PCDHGA5: variants seen among roughly 807,000 people sequenced by gnomAD.
PCDHGA5 encodes the protein protocadherin gamma subfamily A, 5, also known as protocadherin gamma-A5.
A neutral mutation model predicts 56.7 loss-of-function variants in PCDHGA5; 36 were observed. The ratio of observed to expected loss-of-function variants is 0.64; its 90% CI spans 0.49 to 0.84. PCDHGA5 has a LOEUF of 0.84. PCDHGA5 is among the 40% of genes least tolerant of loss of function. The pLI, the probability that PCDHGA5 is intolerant of heterozygous loss-of-function variation, is 0.00. For missense variants in PCDHGA5, 1,305 were observed against 1,201.5 expected (o/e 1.09, Z -1.27); for synonymous variants, 563 against 520.2 (o/e 1.08, Z -1.12).
intron 1 of PCDHGA5, chr5:141,407,930 C>G: frequency 2.0e-6 from 1 of 498,998 alleles, no homozygotes. Context: ...CGCACGGAGC[C>G]TCTGGGCGCC....
At chr5:141,387,637 G>A (rs1397986235) in intron 1 of PCDHGA5, 14 of 603,144 alleles carry the variant, frequency 2.3e-5, no homozygotes, top group Non-Finnish European at 3.7e-5. Context: ...GGGCGCCGCT[G>A]TTGGCCAAAG....
rs202006594 is a variant in PCDHGA5 at position 141,477,618 on chromosome 5, C to G, written c.2422-17189C>G. On this transcript the variant is annotated intron_variant, in intron 1 of 3. Coordinates refer to ENST00000518069, the MANE Select transcript of PCDHGA5 (RefSeq NM_018918.3). The surrounding 1 kb of genome is among the most constrained non-coding windows in gnomAD (Gnocchi z 4.9). ...TCTTTCTTTCTCTTGGAGCAAGGAGCTGAAACCGGGCTAGTGGGTCGCTAT... is the reference window on the plus strand; with the variant it reads ...TCTTTCTTTCTCTTGGAGCAAGGAGGTGAAACCGGGCTAGTGGGTCGCTAT... 6.2e-7 allele frequency: 1 copy of G among 1,614,176 alleles called. No individual in the cohort carries two copies. Among genetic ancestry groups the G allele is most frequent in the East Asian group, 2.2e-5 (1 of 44,890 alleles).
At position 141,366,143 on chromosome 5, in the gene PCDHGA5, T is replaced by C; in HGVS notation, c.1813T>C (p.Ser605Pro). Reference protein sequence around the residue: ...DKDSGQNAWLSYRLLKASEPG... With the variant: ...DKDSGQNAWLPYRLLKASEPG... ...AGATTCAGGCCAGAACGCCTGGCTGTCCTACCGCCTGCTTAAGGCCAGCGA... is the reference window on the plus strand; with the variant it reads ...AGATTCAGGCCAGAACGCCTGGCTGCCCTACCGCCTGCTTAAGGCCAGCGA... Residue 605 changes from serine to proline, a missense_variant, in exon 1 of 4, where the codon TCC becomes CCC. Transcript: ENST00000518069. The C allele has an allele frequency of 6.2e-7, 1 of 1,614,160 alleles. No individual in the cohort carries two copies.
At chr5:141,386,438 G>A (rs79313044) in intron 1 of PCDHGA5, among the ~76,000 whole-genome samples, 2,560 of 152,240 alleles carry the variant, frequency 0.017, 31 homozygotes, top group South Asian at 0.037. Context: ...CTGCATGGGA[G>A]GCTGAGGCAA....
At chr5:141,419,146 G>A in intron 1 of PCDHGA5, 1 of 1,613,922 alleles carries the variant, frequency 6.2e-7, no homozygotes, top group Non-Finnish European at 8.5e-7. Context: ...ACAGGGGCAA[G>A]CCTCCGTTAT....
chr5:141,477,052 C>T lies in PCDHGA5; in HGVS notation c.2422-17755C>T. On this transcript the variant is annotated intron_variant, in intron 1 of 3. Coordinates refer to ENST00000518069, the MANE Select transcript of PCDHGA5 (RefSeq NM_018918.3). The surrounding 1 kb of genome is among the most constrained non-coding windows in gnomAD (Gnocchi z 4.9). ...TGACAATCAAGGGTCGGCTGGACTT[C>T]GAGGACACCAAACTCCATGAGATTT... 1.2e-6 allele frequency: 2 copies of T among 1,614,240 alleles called. No individual in the cohort carries two copies. The highest frequency in any genetic ancestry group is 1.7e-6 in the Non-Finnish European group (2 of 1,180,032).
At chr5:141,384,392 G>A in intron 1 of PCDHGA5, 1 of 1,613,930 alleles carries the variant, frequency 6.2e-7, no homozygotes, top group Non-Finnish European at 8.5e-7. Context: ...ACCATCCAGG[G>A]GGCTCCAGTG....
Position 141,432,771 on chromosome 5 carries a change from T to G in PCDHGA5, c.2422-62036T>G. The G allele has an allele frequency of 6.2e-7, 1 of 1,614,006 alleles. No homozygotes were observed. The highest frequency in any genetic ancestry group is 8.5e-7 in the Non-Finnish European group (1 of 1,179,966). On this transcript the variant is annotated intron_variant, in intron 1 of 3. Coordinates refer to ENST00000518069, the MANE Select transcript of PCDHGA5 (RefSeq NM_018918.3). This position sits in a 1 kb window ranked among gnomAD's most constrained non-coding sequence, Gnocchi z 6.0. ...GCCGTGGCCGACAGCATCCCCCAAG[T>G]CCTGGCGGACCTCGGCAGCCTCGAG...
At chr5:141,379,462 A>G (rs1775613818) in intron 1 of PCDHGA5, 1 of 152,244 alleles carries the variant, frequency 6.6e-6, no homozygotes, top group African/African-American at 2.4e-5. Context: ...ATAAACTCTG[A>G]AAGTGTGAAT....
intron 1 of PCDHGA5, chr5:141,427,090 A>G: frequency 2.2e-6 from 1 of 458,214 alleles, no homozygotes; most frequent in East Asian, 6.9e-5. Context: ...GACCAGGATG[A>G]GGGTGTCAAT....
intron 1 of PCDHGA5, chr5:141,384,161 C>T (rs1476096646): frequency 1.2e-6 from 2 of 1,613,520 alleles, no homozygotes; most frequent in Non-Finnish European, 1.7e-6. Flanking sequence ...TATAACATCA[C>T]ACTGAAAGCC....
At chr5:141,407,347 TG>T (rs1273387665) in intron 1 of PCDHGA5, among the ~76,000 whole-genome samples, 1 of 152,176 alleles carries the variant, frequency 6.6e-6, no homozygotes, top group Non-Finnish European at 1.5e-5. Flanking sequence ...TATGTTAATT[TG>T]GGGAAAACAT....
Position 141,412,258 on chromosome 5 carries a change from C to T in PCDHGA5, c.2421+45507C>T, listed in dbSNP as rs569698099. 5.8e-4 allele frequency: 88 copies of T among 152,314 alleles called. 1 individual carries two copies. The highest frequency in any genetic ancestry group is 2.0e-3 in the African/African-American group (83 of 41,568). 9.4% of individuals were successfully genotyped at this position (152,314 alleles called of 1,614,324 possible). On this transcript the variant is annotated intron_variant, in intron 1 of 3. Transcript: ENST00000518069. Reference sequence around the variant, plus strand: ...ATATCACTACATCTAACTTTGTTTTCTAAAACTTTTAGTACTTCAAATTCT... The same window carrying T: ...ATATCACTACATCTAACTTTGTTTTTTAAAACTTTTAGTACTTCAAATTCT...
chr5:141,480,457 G>GT (rs1309116577), intron 1 of PCDHGA5, among the ~76,000 whole-genome samples: 4 of 152,060 alleles, frequency 2.6e-5, no homozygotes, highest in Non-Finnish European at 5.9e-5. Flanking sequence ...ATTTTTATTA[G>GT]TTCCTCACTC....
chr5:141,468,820 C>G (rs1055751689), intron 1 of PCDHGA5, among the ~76,000 whole-genome samples: 1 of 151,830 alleles, frequency 6.6e-6, no homozygotes, highest in Non-Finnish European at 1.5e-5. Context: ...GAGCCAAGAT[C>G]AAGCCACTGC....
chr5:141,418,985 T>C, intron 1 of PCDHGA5: 1 of 1,613,882 alleles, frequency 6.2e-7, no homozygotes, highest in Non-Finnish European at 8.5e-7. Context: ...GGACCAAGAC[T>C]CAGGGGAAAA....
chr5:141,412,301 T>C (rs925243467), intron 1 of PCDHGA5: 3 of 152,260 alleles, frequency 2.0e-5, no homozygotes, highest in Non-Finnish European at 2.9e-5. Context: ...TCTTTTCTCA[T>C]TACAATGCAA....
intron 1 of PCDHGA5, among the ~76,000 whole-genome samples, chr5:141,438,636 ACACACAC>A: frequency 3.9e-5 from 1 of 25,700 alleles, no homozygotes; most frequent in African/African-American, 1.5e-4. Flanking sequence ...ATATATATAT[ACACACAC>A]ACACACACAT....
intron 2 of PCDHGA5, among the ~76,000 whole-genome samples, chr5:141,503,432 TA>T (rs1423418926): frequency 6.6e-6 from 1 of 151,668 alleles, no homozygotes; most frequent in African/African-American, 2.4e-5. Flanking sequence ...CCATCTCTAC[TA>T]AAAATACAAA....
Sources: allele counts gnomAD v4.1 joint callset (sites outside exome capture counted in the v4.1 genomes callset), GRCh38; gene constraint gnomAD v4.1.1; non-coding constraint Gnocchi (gnomAD v3.1); transcripts MANE v1.5; gene names NCBI Gene and HGNC (gene_info 2026-07-23, HGNC 2026-07-21).